Variants in CACNA1C observed in about 807,000 individuals in gnomAD.
CACNA1C encodes calcium voltage-gated channel subunit alpha1 C.
In CACNA1C, 30 loss-of-function variants were observed where a neutral mutation model predicts 229.0. The observed-to-expected ratio is 0.13, with a 90% confidence interval of 0.10 to 0.18. CACNA1C has a LOEUF of 0.18. CACNA1C is among the 10% of genes least tolerant of loss of function. The pLI, the probability that CACNA1C is intolerant of heterozygous loss-of-function variation, is 1.00. For missense variants in CACNA1C, 1,658 were observed against 2,845.0 expected, an observed-to-expected ratio of 0.58 and a Z score of 9.49; for synonymous variants, 1,114 against 1,132.5, an observed-to-expected ratio of 0.98 and a Z score of 0.33.
chr12:2,641,849 C>T lies in CACNA1C; in HGVS notation c.3913-6626C>T, dbSNP rs2093737361. ...CCCACAAAGGCTGTTTTCTACTCTG[C>T]TTAAGAGTATGGCTGGCCCTTGAGA... On this transcript the variant is annotated intron_variant, in intron 30 of 46. Transcript: ENST00000399655. 7.2e-6 allele frequency: 5 copies of T among 696,780 alleles called. No homozygotes were observed. In the South Asian group the frequency reaches 7.5e-5, roughly 10 times the overall value. 43.2% of individuals were successfully genotyped at this position (696,780 alleles called of 1,614,324 possible).
chr12:2,041,999 A>G (rs1466357219), intron 1 of CACNA1C, among the ~76,000 whole-genome samples: 2 of 152,256 alleles, frequency 1.3e-5, no homozygotes, highest in Admixed American at 1.3e-4. Flanking sequence ...AAATGGTTGT[A>G]AATGATGCAA....
At chr12:2,089,946 G>A (rs193124777) in intron 1 of CACNA1C, among the ~76,000 whole-genome samples, 1,665 of 152,190 alleles carry the variant, frequency 0.011, 23 homozygotes, top group African/African-American at 0.038. Context: ...GGAGAATGGC[G>A]TGAACCCGGG....
intron 13 of CACNA1C, among the ~76,000 whole-genome samples, chr12:2,573,545 G>T (rs961937290): frequency 6.6e-6 from 1 of 152,196 alleles, no homozygotes; most frequent in African/African-American, 2.4e-5. Context: ...ATAATGCTTG[G>T]TGTACACATG....
intron 3 of CACNA1C, among the ~76,000 whole-genome samples, chr12:2,207,613 C>T (rs2097787900): frequency 6.6e-6 from 1 of 151,908 alleles, no homozygotes; most frequent in Admixed American, 6.6e-5. Flanking sequence ...AGTTGGAGAC[C>T]AGCCTGGGCA....
At chr12:2,420,944 T>C (rs963787906) in intron 3 of CACNA1C, among the ~76,000 whole-genome samples, 2 of 152,244 alleles carry the variant, frequency 1.3e-5, no homozygotes, top group African/African-American at 2.4e-5. Context: ...TTATCTCTTC[T>C]AATGGTAGGA....
At chr12:2,470,950 A>G (rs1202718695) in intron 5 of CACNA1C, among the ~76,000 whole-genome samples, 1 of 151,904 alleles carries the variant, frequency 6.6e-6, no homozygotes, top group African/African-American at 2.4e-5. Flanking sequence ...CTCGTGCCTC[A>G]TCTTCCAAGT....
At chr12:2,433,678 T>C (rs1596123151) in intron 3 of CACNA1C, among the ~76,000 whole-genome samples, 1 of 49,866 alleles carries the variant, frequency 2.0e-5, no homozygotes, top group South Asian at 9.0e-4. Flanking sequence ...AGACAGCCCT[T>C]CCTTCTTGGG....
rs1064796234 is a variant in CACNA1C, at chr12:2,115,385, G to A, written c.211G>A (p.Ala71Thr). The change falls in exon 2 of 47, where the codon GCG becomes ACG. Residue 71 changes from alanine (A) to threonine (T), a missense_variant. Ala to Thr is a moderately conservative substitution (Grantham distance 58). Around this residue, in one of 20 missense-constraint regions of CACNA1C, gnomAD observed 111 missense variants for 128.0 expected, o/e 0.87. Coordinates refer to ENST00000399655, the MANE Select transcript of CACNA1C (RefSeq NM_000719.7). ...QAKLMGSAGN[A>T]TISTVSSTQR... Reference sequence around the variant, plus strand: ...TAAGCTGATGGGCAGCGCTGGCAATGCGACCATCTCCACAGTCAGCTCCAC... The same window carrying A: ...TAAGCTGATGGGCAGCGCTGGCAATACGACCATCTCCACAGTCAGCTCCAC... 1 of 1,609,368 alleles carries A rather than the reference G, an allele frequency of 6.2e-7. No individual in the cohort carries two copies. Among genetic ancestry groups the A allele is most frequent in the Non-Finnish European group, 8.5e-7 (1 of 1,179,004 alleles).
intron 9 of CACNA1C, among the ~76,000 whole-genome samples, chr12:2,531,160 A>G (rs758156954): frequency 6.6e-6 from 1 of 152,238 alleles, no homozygotes; most frequent in Non-Finnish European, 1.5e-5. Flanking sequence ...GAGAAAAGTG[A>G]GGTTCAGATC....
At chr12:2,060,539 A>T (rs1385593866) in intron 1 of CACNA1C, among the ~76,000 whole-genome samples, 1 of 151,766 alleles carries the variant, frequency 6.6e-6, no homozygotes, top group Non-Finnish European at 1.5e-5. Flanking sequence ...CTTGTTTCAT[A>T]CTCTTTCAAG....
chr12:2,344,494 C>G (rs1458024962), intron 3 of CACNA1C, among the ~76,000 whole-genome samples: 4 of 152,140 alleles, frequency 2.6e-5, no homozygotes, highest in Non-Finnish European at 5.9e-5. Flanking sequence ...ATCCACAGAC[C>G]AAGCAACTCT....
chr12:2,533,403 C>A (rs960541599), intron 9 of CACNA1C, among the ~76,000 whole-genome samples: 1 of 152,172 alleles, frequency 6.6e-6, no homozygotes, highest in Non-Finnish European at 1.5e-5. Context: ...GTACACACCC[C>A]GTCCCTTGGC....
At chr12:1,995,130 A>G (rs1035088100) in intron 1 of CACNA1C, among the ~76,000 whole-genome samples, 4 of 152,238 alleles carry the variant, frequency 2.6e-5, no homozygotes, top group Non-Finnish European at 5.9e-5. Context: ...CTTAGAGTAT[A>G]GTAAGAAATC....
intron 1 of CACNA1C, among the ~76,000 whole-genome samples, chr12:2,109,001 A>T (rs1468191897): frequency 2.6e-5 from 4 of 152,152 alleles, no homozygotes; most frequent in African/African-American, 9.7e-5. Flanking sequence ...CCCTGCAGAG[A>T]TTGCTCAGTG....
At position 2,685,779 on chromosome 12, in the gene CACNA1C, G is replaced by A. The variant is rs759495610; in HGVS notation, c.5617G>A (p.Glu1873Lys). 1.2e-6 allele frequency: 2 copies of A among 1,613,748 alleles called. No individual in the cohort carries two copies. The highest frequency in any genetic ancestry group is 1.1e-5 in the South Asian group (1 of 91,078). Residue 1873 changes from glutamate to lysine, a missense_variant, in exon 44 of 47, where the codon GAG becomes AAG. By Grantham distance (56) the Glu-to-Lys change is moderately conservative. Around this residue, in one of 20 missense-constraint regions of CACNA1C, gnomAD observed 590 missense variants for 700.8 expected, o/e 0.84. Transcript: ENST00000399655. ...DDENRQLTLP[E>K]EDKRDIRQSP... is the part of the protein sequence containing the mutation. Reference sequence around the variant, plus strand: ...CGAAAATCGGCAACTGACGCTCCCAGAGGAGGACAAGAGGGACATCCGGCA... The same window carrying A: ...CGAAAATCGGCAACTGACGCTCCCAAAGGAGGACAAGAGGGACATCCGGCA...
Position 2,274,163 on chromosome 12 carries a change from G to A in CACNA1C, c.477+153733G>A, listed in dbSNP as rs547626290. Among the ~76,000 whole-genome samples, 16 of 152,312 alleles carry A rather than the reference G, an allele frequency of 1.1e-4. 1 individual carries two copies. In the South Asian group the frequency reaches 1.9e-3, roughly 18 times the overall value. On this transcript the variant is annotated intron_variant, in intron 3 of 46. Transcript: ENST00000399655. ...TCCTCGTTTATGGCAGCAAGTCCTC[G>A]TCCTGTGGGCCCCATTTCTAAGCTG...
Position 2,358,251 on chromosome 12 carries a change from CTGTGTGTGTGTGTGTGTGTGTG to C in CACNA1C, c.478-90689_478-90668del, listed in dbSNP as rs57191390. On this transcript the variant is annotated intron_variant, in intron 3 of 46. Transcript: ENST00000399655. ...CTGGCCTAAAAGAAGCGGCGTCCTCCTGTGTGTGTGTGTGTGTGTGTGTGTGTGTGTGTGTGTGTGTGTGTGT... is the reference window on the plus strand; with the variant it reads ...CTGGCCTAAAAGAAGCGGCGTCCTCCTGTGTGTGTGTGTGTGTGTGTGTGT... 9.8e-3 allele frequency among the ~76,000 whole-genome samples: 1,328 copies of C among 136,096 alleles called. 16 individuals carry two copies. The highest frequency in any genetic ancestry group is 0.03 in the African/African-American group (1,109 of 36,956). 89.3% of individuals were successfully genotyped at this position (136,096 alleles called of 152,430 possible).
At chr12:2,690,825 A>G (rs531231149) in intron 46 of CACNA1C, 75 bp from the exon 47 acceptor site, 3 of 1,397,092 alleles carry the variant, frequency 2.1e-6, no homozygotes, top group Admixed American at 5.0e-5. Flanking sequence ...CCCTCGCTCT[A>G]GCCCTCAAGG....
At chr12:2,392,517 G>T (rs1263512410) in intron 3 of CACNA1C, among the ~76,000 whole-genome samples, 1 of 152,136 alleles carries the variant, frequency 6.6e-6, no homozygotes. Context: ...CCATCAGCCG[G>T]GGGTGGGTTT....
Sources: gnomAD v4.1 joint callset for allele counts (sites outside exome capture counted in the v4.1 genomes callset) on GRCh38, gnomAD v4.1.1 for gene constraint, gnomAD v4.1.1 regional missense constraint, MANE v1.5 for transcripts, NCBI Gene and HGNC (gene_info 2026-07-23, HGNC 2026-07-21) for gene names.